FAF1: variants seen among roughly 807,000 people sequenced by gnomAD.
FAF1 encodes Fas associated factor 1, also known as FAS-associated factor 1.
A neutral mutation model predicts 92.5 loss-of-function variants in FAF1; 25 were observed. The observed-to-expected ratio is 0.27, with a 90% confidence interval of 0.20 to 0.38. The LOEUF (loss-of-function observed/expected upper bound fraction) is 0.38, where lower values mean the gene tolerates loss of function less well. Among genes scored for constraint, FAF1 ranks in the 10% least tolerant of loss-of-function variants. The pLI, the probability that FAF1 is intolerant of heterozygous loss-of-function variation, is 1.00. For missense variants in FAF1, 636 were observed against 793.3 expected (o/e 0.80, Z 2.38); for synonymous variants, 234 against 273.2 (o/e 0.86, Z 1.42).
At chr1:50,636,089 T>G (rs1653994885) in intron 8 of FAF1, among the ~76,000 whole-genome samples, 1 of 152,178 alleles carries the variant, frequency 6.6e-6, no homozygotes, top group Non-Finnish European at 1.5e-5. Context: ...CCTGGTTCTG[T>G]ACTTTGTCTT....
chr1:50,737,875 AGTT>A (rs532088653), intron 6 of FAF1, among the ~76,000 whole-genome samples: 353 of 152,324 alleles, frequency 2.3e-3, no homozygotes, highest in African/African-American at 8.2e-3. Context: ...AAAATCACCA[AGTT>A]GTTGTATTTA....
intron 1 of FAF1, among the ~76,000 whole-genome samples, chr1:50,868,933 T>C (rs974408947): frequency 2.0e-5 from 3 of 152,196 alleles, no homozygotes; most frequent in Admixed American, 2.0e-4. Flanking sequence ...TTGATAGTAC[T>C]GTTCAAATTA....
chr1:50,925,182 GACCCCTATCTATCACTAC>G (rs1644995428), intron 1 of FAF1, among the ~76,000 whole-genome samples: 1 of 152,124 alleles, frequency 6.6e-6, no homozygotes, highest in Admixed American at 6.6e-5. Context: ...AATGAAACTA[GACCCCTATCTATCACTAC>G]ATACAAAAAT....
chr1:50,449,233 C>T (rs1646264366), intron 18 of FAF1, among the ~76,000 whole-genome samples: 1 of 152,050 alleles, frequency 6.6e-6, no homozygotes, highest in Non-Finnish European at 1.5e-5. Flanking sequence ...ATTCATTTAT[C>T]CTCATTTTTA....
intron 1 of FAF1, among the ~76,000 whole-genome samples, chr1:50,937,240 C>T (rs1645092597): frequency 1.3e-5 from 2 of 152,026 alleles, no homozygotes; most frequent in South Asian, 4.1e-4. Flanking sequence ...TACTGTATTC[C>T]AGATCTCTTT....
At chr1:50,849,694 C>T (rs767214241) in intron 2 of FAF1, among the ~76,000 whole-genome samples, 8 of 151,980 alleles carry the variant, frequency 5.3e-5, no homozygotes, top group Non-Finnish European at 8.8e-5. Context: ...TAGAACTATA[C>T]GTCAGTTTTG....
intron 8 of FAF1, among the ~76,000 whole-genome samples, chr1:50,629,421 G>A (rs1050635471): frequency 3.3e-5 from 5 of 151,932 alleles, no homozygotes; most frequent in African/African-American, 7.2e-5. Context: ...TGCCTGCCTC[G>A]GCCTCCTGAA....
At chr1:50,880,127 T>C (rs989868182) in intron 1 of FAF1, among the ~76,000 whole-genome samples, 4 of 152,240 alleles carry the variant, frequency 2.6e-5, no homozygotes, top group African/African-American at 7.2e-5. Context: ...TCTAGCCTGC[T>C]AATATTAAGG....
At chr1:50,940,986 TAAAG>T (rs1442629397) in intron 1 of FAF1, among the ~76,000 whole-genome samples, 1 of 151,252 alleles carries the variant, frequency 6.6e-6, no homozygotes, top group Non-Finnish European at 1.5e-5. Context: ...AGAATAAAGA[TAAAG>T]AAGGGATCAA....
chr1:50,503,625 A>G (rs1310781716), intron 15 of FAF1, among the ~76,000 whole-genome samples: 1 of 152,070 alleles, frequency 6.6e-6, no homozygotes, highest in Admixed American at 6.6e-5. Context: ...TTTAAAAAAA[A>G]AAAAAAAATT....
At chr1:50,550,604 T>G (rs998096788) in intron 13 of FAF1, among the ~76,000 whole-genome samples, 1 of 152,170 alleles carries the variant, frequency 6.6e-6, no homozygotes, top group Non-Finnish European at 1.5e-5. Context: ...ATACCTGTTA[T>G]GAGTTAGGTA....
At chr1:50,952,417 T>C (rs1042027776) in intron 1 of FAF1, among the ~76,000 whole-genome samples, 1 of 152,220 alleles carries the variant, frequency 6.6e-6, no homozygotes, top group South Asian at 2.1e-4. Flanking sequence ...GTGCTCAATG[T>C]TGCCCAGGCT....
chr1:50,818,820 G>T (rs969941006), intron 2 of FAF1, among the ~76,000 whole-genome samples: 1 of 151,502 alleles, frequency 6.6e-6, no homozygotes, highest in African/African-American at 2.4e-5. Flanking sequence ...CTGGGCGACA[G>T]AGCGAGACTC....
intron 6 of FAF1, among the ~76,000 whole-genome samples, chr1:50,728,246 A>C (rs1658744656): frequency 6.6e-6 from 1 of 152,162 alleles, no homozygotes; most frequent in Non-Finnish European, 1.5e-5. Flanking sequence ...GTAGAGGCCT[A>C]AATAAAGTGA....
At chr1:50,743,603 T>C (rs895458820) in intron 5 of FAF1, among the ~76,000 whole-genome samples, 2 of 152,040 alleles carry the variant, frequency 1.3e-5, no homozygotes, top group African/African-American at 2.4e-5. Flanking sequence ...GATAGGATTA[T>C]AGGCGTGAGC....
At chr1:50,543,874 A>T (rs1343205682) in intron 13 of FAF1, among the ~76,000 whole-genome samples, 1 of 152,194 alleles carries the variant, frequency 6.6e-6, no homozygotes, top group Non-Finnish European at 1.5e-5. Flanking sequence ...TTACAACTGG[A>T]TACAAAACTA....
At chr1:50,849,852 T>C (rs1217488274) in intron 2 of FAF1, among the ~76,000 whole-genome samples, 1 of 152,234 alleles carries the variant, frequency 6.6e-6, no homozygotes, top group Non-Finnish European at 1.5e-5. Context: ...AAAGGTATCA[T>C]ATAATGCATT....
intron 3 of FAF1, among the ~76,000 whole-genome samples, chr1:50,800,688 G>A (rs915160222): frequency 6.6e-6 from 1 of 152,152 alleles, no homozygotes; most frequent in Non-Finnish European, 1.5e-5. Context: ...TAAATATATG[G>A]TTTCTTATCA....
chr1:50,670,763 C>G (rs1430143629), intron 7 of FAF1, among the ~76,000 whole-genome samples: 1 of 151,950 alleles, frequency 6.6e-6, no homozygotes. Flanking sequence ...AAAACCCCGT[C>G]TCTATAAAAT....
Sources: allele counts gnomAD v4.1 joint callset (sites outside exome capture counted in the v4.1 genomes callset), GRCh38; gene constraint gnomAD v4.1.1; transcripts MANE v1.5; gene names NCBI Gene and HGNC (gene_info 2026-07-23, HGNC 2026-07-21).